KCNJ16: variants seen among roughly 807,000 people sequenced by gnomAD.
KCNJ16 encodes potassium inwardly rectifying channel subfamily J member 16.
In KCNJ16, 15 loss-of-function variants were observed where a neutral mutation model predicts 18.5. That is an observed-to-expected ratio of 0.81 (90% confidence interval 0.54 to 1.25). The LOEUF is 1.25. Among genes scored for constraint, KCNJ16 ranks in the 50% most tolerant of loss-of-function variants. The pLI is 0.00. For missense variants in KCNJ16, 523 were observed against 525.7 expected, an observed-to-expected ratio of 0.99 and a Z score of 0.05; for synonymous variants, 174 against 186.5, an observed-to-expected ratio of 0.93 and a Z score of 0.55.
chr17:70,132,130 G>A lies in KCNJ16; in HGVS notation c.43G>A (p.Ala15Thr), dbSNP rs767020949. 34 of 1,613,994 alleles carry A rather than the reference G, an allele frequency of 2.1e-5. No individual in the cohort carries two copies. The highest frequency in any genetic ancestry group is 2.6e-5 in the Non-Finnish European group (31 of 1,180,034). Residue 15 changes from alanine to threonine, a missense_variant, in exon 4 of 4, where the codon GCA (alanine) becomes ACA (threonine). Physicochemically the swap from Ala to Thr is moderately conservative, Grantham distance 58 (BLOSUM62 0). Transcript: ENST00000392671. Reference protein sequence around the residue: ...GSSYHIINADAKYPGYPPEHI... With the variant: ...GSSYHIINADTKYPGYPPEHI... ...CAGCTATCATATTATCAATGCGGAC[G>A]CAAAATACCCAGGCTACCCGCCAGA... is the stretch of plus-strand genomic sequence containing the variant.
intron 2 of KCNJ16, among the ~76,000 whole-genome samples, chr17:70,103,937 C>T (rs57504827): frequency 5.3e-5 from 7 of 132,016 alleles, no homozygotes; most frequent in South Asian, 2.4e-4. Flanking sequence ...ATTTTATTAT[C>T]TTTTTTTTTT....
intron 2 of KCNJ16, chr17:70,108,503 A>G (rs1249817723): frequency 6.6e-6 from 1 of 152,194 alleles, no homozygotes; most frequent in African/African-American, 2.4e-5. Flanking sequence ...GTTGATATCT[A>G]TAAATGACCA....
At chr17:70,110,529 T>C (rs1598146599) in intron 2 of KCNJ16, among the ~76,000 whole-genome samples, 1 of 151,484 alleles carries the variant, frequency 6.6e-6, no homozygotes. Flanking sequence ...CCAGTCTTTA[T>C]GATGAGAGCT....
At chr17:70,080,165 T>A (rs1462641387) in intron 1 of KCNJ16, among the ~76,000 whole-genome samples, 2 of 152,194 alleles carry the variant, frequency 1.3e-5, no homozygotes, top group Non-Finnish European at 2.9e-5. Flanking sequence ...TCACTATCCA[T>A]ATCATATATT....
At chr17:70,120,486 A>C (rs1199976931) in intron 2 of KCNJ16, among the ~76,000 whole-genome samples, 1 of 152,204 alleles carries the variant, frequency 6.6e-6, no homozygotes, top group Non-Finnish European at 1.5e-5. Context: ...AAAGAAAAGA[A>C]GTTTAATTGG....
At chr17:70,128,401 A>T (rs2073933991) in intron 2 of KCNJ16, among the ~76,000 whole-genome samples, 1 of 152,116 alleles carries the variant, frequency 6.6e-6, no homozygotes, top group Non-Finnish European at 1.5e-5. Flanking sequence ...GGGGTTACTG[A>T]CCCTTCTAAC....
At chr17:70,110,957 G>A (rs571219491) in intron 2 of KCNJ16, among the ~76,000 whole-genome samples, 1 of 152,270 alleles carries the variant, frequency 6.6e-6, no homozygotes, top group East Asian at 1.9e-4. Context: ...GTCCCCCAGT[G>A]TGTATATCAA....
intron 2 of KCNJ16, chr17:70,101,024 A>G (rs1011267886): frequency 2.6e-5 from 4 of 152,242 alleles, no homozygotes; most frequent in East Asian, 3.9e-4. Flanking sequence ...TGCTATTTAT[A>G]TATTTTGTGA....
intron 1 of KCNJ16, among the ~76,000 whole-genome samples, chr17:70,093,791 C>A (rs1182684005): frequency 1.3e-5 from 2 of 152,030 alleles, no homozygotes; most frequent in Admixed American, 6.6e-5. Context: ...CATGGAAGCA[C>A]TTATTTTTCT....
At chr17:70,097,656 CTT>C (rs572819642) in intron 1 of KCNJ16, among the ~76,000 whole-genome samples, 24 of 152,292 alleles carry the variant, frequency 1.6e-4, no homozygotes, top group African/African-American at 4.6e-4. Context: ...AATCTCTACT[CTT>C]GTCTCCTTTA....
chr17:70,131,340 C>A (rs1048767501), intron 3 of KCNJ16: 13 of 1,062,386 alleles, frequency 1.2e-5, no homozygotes, highest in Non-Finnish European at 1.5e-5. Flanking sequence ...ATTTTTTTTT[C>A]TTTTCTTTCA....
intron 2 of KCNJ16, among the ~76,000 whole-genome samples, chr17:70,105,426 T>C (rs983740144): frequency 6.6e-6 from 1 of 152,194 alleles, no homozygotes; most frequent in Non-Finnish European, 1.5e-5. Flanking sequence ...AATCTTTCAT[T>C]TCCTGTGGAA....
intron 2 of KCNJ16, among the ~76,000 whole-genome samples, chr17:70,121,075 T>A (rs1206340305): frequency 1.3e-5 from 2 of 152,130 alleles, no homozygotes; most frequent in Non-Finnish European, 2.9e-5. Flanking sequence ...TTTGTCTGGG[T>A]GTGGCATGAA....
intron 2 of KCNJ16, among the ~76,000 whole-genome samples, chr17:70,127,744 C>T (rs951981210): frequency 1.4e-4 from 21 of 152,150 alleles, no homozygotes; most frequent in African/African-American, 4.8e-4. Context: ...CAAATTTCCA[C>T]CAAAACTTAT....
In KCNJ16 at chr17:70,135,058, C is replaced by T. The variant is rs1256107239; in HGVS notation, c.*1714C>T. On this transcript the variant is annotated 3_prime_UTR_variant, in exon 4 of 4. Transcript: ENST00000392671. ...GTAATAAAGTTACTTTTTAAATGCA[C>T]GTATGCAATCTTTTATTCCTCTTGT... is the stretch of plus-strand genomic sequence containing the variant. 2.7e-5 allele frequency: 4 copies of T among 145,698 alleles called. No homozygotes were observed. The highest frequency in any genetic ancestry group is 2.4e-4 in the South Asian group (1 of 4,098). The allele number at this position is 145,698 out of a possible 1,614,324, so 9.0% of individuals were successfully genotyped here.
rs148166676 is a variant in KCNJ16, at chr17:70,106,023, C to T, written c.-191+5257C>T. 4.1e-3 allele frequency among the ~76,000 whole-genome samples: 628 copies of T among 152,228 alleles called. 3 individuals carry two copies. The highest frequency in any genetic ancestry group is 0.01 in the Middle Eastern group (3 of 294). ...TTCAGATGGAGTGCGGGTATTTTTT[C>T]TAATTGTTGCTCAGAAAATCCTTGA... On this transcript the variant is annotated intron_variant, in intron 2 of 3. Transcript: ENST00000392671.
At position 70,133,217 on chromosome 17, in the gene KCNJ16, T is replaced by C. The variant is rs1172707620; in HGVS notation, c.1130T>C (p.Val377Ala). The C allele has an allele frequency of 2.7e-5, 43 of 1,614,062 alleles. No individual in the cohort carries two copies. Among genetic ancestry groups the C allele is most frequent in the Non-Finnish European group, 3.5e-5 (41 of 1,180,042 alleles). Residue 377 changes from valine (V) to alanine (A), a missense_variant, in exon 4 of 4, where the codon GTT becomes GCT. Val to Ala is a moderately conservative substitution (Grantham distance 64). Coordinates refer to ENST00000392671, the MANE Select transcript of KCNJ16 (RefSeq NM_170741.4). ...GCGAGACGAAGGTCATTTAGTGCAG[T>C]TGCCATTGTCAGCAGCTGTGAAAAC... ...TKARRRSFSA[V>A]AIVSSCENPE...
rs188281862 is a variant in KCNJ16 at position 70,118,520 on chromosome 17, C to T, written c.-190-12359C>T. ...CCAGGAAGCATAATGCCAGCACCTG[C>T]TTCTGGGGAGGCCTCAGGAAACTTA... On this transcript the variant is annotated intron_variant, in intron 2 of 3. Coordinates refer to ENST00000392671, the MANE Select transcript of KCNJ16 (RefSeq NM_170741.4). Among the ~76,000 whole-genome samples, 338 of 152,174 alleles carry T rather than the reference C, an allele frequency of 2.2e-3. 1 individual carries two copies. Among genetic ancestry groups the T allele is most frequent in the Non-Finnish European group, 6.3e-4 (43 of 67,996 alleles).
chr17:70,103,281 C>T (rs1261476136), intron 2 of KCNJ16, among the ~76,000 whole-genome samples: 11 of 15,200 alleles, frequency 7.2e-4, no homozygotes, highest in South Asian at 1.3e-3. Flanking sequence ...ATATAATATG[C>T]ATATATGTGT....
Sources: gnomAD v4.1 joint callset for allele counts (sites outside exome capture counted in the v4.1 genomes callset) on GRCh38, gnomAD v4.1.1 for gene constraint, MANE v1.5 for transcripts, NCBI Gene and HGNC (gene_info 2026-07-23, HGNC 2026-07-21) for gene names.